MYCT1: variants seen among roughly 807,000 people sequenced by gnomAD.
MYCT1 encodes MYC target 1.
MYCT1 carries 12 observed loss-of-function variants against 15.0 expected under a neutral mutation model. The observed-to-expected ratio is 0.80, with a 90% CI of 0.51 to 1.29. MYCT1 has a LOEUF of 1.29. Among genes scored for constraint, MYCT1 ranks in the 50% most tolerant of loss-of-function variants. The probability of loss-of-function intolerance (pLI) is 0.00; values close to 1 mark genes in which losing one functional copy is unlikely to be tolerated. For missense variants in MYCT1, 287 were observed against 279.1 expected (o/e 1.03, Z -0.20); for synonymous variants, 104 against 102.7 (o/e 1.01, Z -0.07).
chr6:152,742,715 A>G, the MYCT1 span, among the ~76,000 whole-genome samples: 11 of 152,300 alleles, frequency 7.2e-5, no homozygotes, highest in Non-Finnish European at 1.6e-4. Flanking sequence ...TGTCATCCAA[A>G]GAACTTGGAA....
In MYCT1 at chr6:152,722,350, A is replaced by G; in HGVS notation, c.*97A>G. On this transcript the variant is annotated 3_prime_UTR_variant, in exon 2 of 2. Transcript: ENST00000367245. ...ACAGAATTTTGAGGGCATGGCCCAA[A>G]TAACTCATGAGTTCCAAGTTGAAAC... is the stretch of plus-strand genomic sequence containing the variant. The G allele has an allele frequency of 2.4e-6, 3 of 1,245,674 alleles. No individual in the cohort carries two copies. Among genetic ancestry groups the G allele is most frequent in the Non-Finnish European group, 3.3e-6 (3 of 908,102 alleles). 77.2% of individuals were successfully genotyped at this position (1,245,674 alleles called of 1,614,324 possible). A position where few individuals can be genotyped will look rare whatever the true frequency, so the allele number is the denominator to read the frequency against.
the MYCT1 span, among the ~76,000 whole-genome samples, chr6:152,746,037 C>T: frequency 6.6e-6 from 1 of 152,232 alleles, no homozygotes; most frequent in Non-Finnish European, 1.5e-5. Context: ...CTCAGAGGCT[C>T]TTCCCTGGCC....
At chr6:152,701,535 C>T (rs1044310749) in intron 1 of MYCT1, among the ~76,000 whole-genome samples, 7 of 152,114 alleles carry the variant, frequency 4.6e-5, no homozygotes, top group African/African-American at 7.2e-5. Context: ...CATATTCCTC[C>T]CTCTGGGAAT....
chr6:152,702,578 T>A (rs1274551134), intron 1 of MYCT1, among the ~76,000 whole-genome samples: 1 of 152,108 alleles, frequency 6.6e-6, no homozygotes. Context: ...AATACTGTTC[T>A]TTAGCCTGTA....
chr6:152,720,680 C>T (rs1381099007), intron 1 of MYCT1, among the ~76,000 whole-genome samples: 1 of 151,922 alleles, frequency 6.6e-6, no homozygotes, highest in Non-Finnish European at 1.5e-5. Context: ...TGGAAAAGCT[C>T]AGAGTTTTAG....
At chr6:152,705,970 C>T (rs557447914) in intron 1 of MYCT1, 30 of 794,006 alleles carry the variant, frequency 3.8e-5, no homozygotes, top group South Asian at 2.7e-4. Flanking sequence ...ATTGACCCAA[C>T]AAAGATTGTG....
chr6:152,744,837 G>T, the MYCT1 span, among the ~76,000 whole-genome samples: 1 of 152,188 alleles, frequency 6.6e-6, no homozygotes. Flanking sequence ...AGCAGAGGCG[G>T]GAGCTGGGGG....
chr6:152,723,780 A>C lies in MYCT1; in HGVS notation c.*1527A>C, dbSNP rs1583978824. 1 of 152,296 alleles carries C rather than the reference A, an allele frequency of 6.6e-6. No homozygotes were observed. Among genetic ancestry groups the C allele is most frequent in the South Asian group, 2.1e-4 (1 of 4,818 alleles). The allele number at this position is 152,296 out of a possible 1,614,324, so 9.4% of individuals were successfully genotyped here. A position where few individuals can be genotyped will look rare whatever the true frequency, so the allele number is the denominator to read the frequency against. ...GCTGCCCTTCTCATTTAAGGACATG[A>C]GTTCACTGGAGTATTACTCAAAAAG... On this transcript the variant is annotated 3_prime_UTR_variant, in exon 2 of 2. Coordinates refer to ENST00000367245, the MANE Select transcript of MYCT1 (RefSeq NM_025107.3).
intron 1 of MYCT1, among the ~76,000 whole-genome samples, chr6:152,708,389 C>G (rs1038616056): frequency 1.3e-5 from 2 of 151,880 alleles, no homozygotes; most frequent in South Asian, 4.1e-4. Flanking sequence ...ATATAAAAAA[C>G]AAGCTAATAG....
chr6:152,732,418 A>G, the MYCT1 span, among the ~76,000 whole-genome samples: 1 of 151,076 alleles, frequency 6.6e-6, no homozygotes, highest in Non-Finnish European at 1.5e-5. Context: ...CAATTGATTA[A>G]TTAATGTTTG....
chr6:152,702,144 C>T (rs2099721432), intron 1 of MYCT1, among the ~76,000 whole-genome samples: 1 of 152,122 alleles, frequency 6.6e-6, no homozygotes, highest in African/African-American at 2.4e-5. Flanking sequence ...CCTTACAGGT[C>T]GTATTCTATA....
rs1424588914 is a variant in MYCT1, at chr6:152,722,072, T to C, written c.527T>C (p.Leu176Pro). The change falls in exon 2 of 2, where the codon CTT becomes CCT. Residue 176 changes from leucine (L) to proline (P), a missense_variant. By Grantham distance (98) the Leu-to-Pro change is moderately conservative. Transcript: ENST00000367245. ...TFHPFLQCPP[L>P]PVETESQLVT... ...CATCCCTTTCTGCAATGTCCACCAC[T>C]TCCTGTGGAAACTGAGAGTCAGCTG... The C allele has an allele frequency of 6.2e-7, 1 of 1,614,154 alleles. No homozygotes were observed. Among genetic ancestry groups the C allele is most frequent in the Non-Finnish European group, 8.5e-7 (1 of 1,180,014 alleles).
At chr6:152,734,652 C>T in the MYCT1 span, among the ~76,000 whole-genome samples, 3 of 151,820 alleles carry the variant, frequency 2.0e-5, no homozygotes, top group African/African-American at 7.3e-5. Context: ...GTAACATTTC[C>T]CACATGCTTT....
the MYCT1 span, among the ~76,000 whole-genome samples, chr6:152,740,297 A>G: frequency 6.6e-6 from 1 of 152,108 alleles, no homozygotes; most frequent in African/African-American, 2.4e-5. Context: ...GCATTGGCCC[A>G]CCTCAGCCTC....
chr6:152,720,794 G>T (rs1426096451), intron 1 of MYCT1, among the ~76,000 whole-genome samples: 1 of 152,140 alleles, frequency 6.6e-6, no homozygotes, highest in Non-Finnish European at 1.5e-5. Flanking sequence ...GAGGGGAAAT[G>T]TGGGGGACCA....
At chr6:152,699,931 G>T (rs573421374) in intron 1 of MYCT1, among the ~76,000 whole-genome samples, 2 of 152,052 alleles carry the variant, frequency 1.3e-5, no homozygotes, top group East Asian at 1.9e-4. Flanking sequence ...CCTTTCTCTT[G>T]TTATGTGACT....
At position 152,722,443 on chromosome 6, in the gene MYCT1, CA is replaced by C; in HGVS notation, c.*196del. 2 of 564,294 alleles carry C rather than the reference CA, an allele frequency of 3.5e-6. No homozygotes were observed. The highest frequency in any genetic ancestry group is 6.0e-6 in the Non-Finnish European group (2 of 335,672). 35.0% of individuals were successfully genotyped at this position (564,294 alleles called of 1,614,324 possible). A position where few individuals can be genotyped will look rare whatever the true frequency, so the allele number is the denominator to read the frequency against. ...TTCAAACACGTTTTCCCTTTTGTTT[CA>C]AAAAATGTAATATTTTCCCCCAAGC... is the stretch of plus-strand genomic sequence containing the variant. On this transcript the variant is annotated 3_prime_UTR_variant, in exon 2 of 2. Coordinates refer to ENST00000367245, the MANE Select transcript of MYCT1 (RefSeq NM_025107.3).
intron 1 of MYCT1, among the ~76,000 whole-genome samples, chr6:152,718,527 T>A (rs2099724144): frequency 2.0e-5 from 3 of 152,214 alleles, no homozygotes. Flanking sequence ...ATTATAGGCA[T>A]GAGCCACTGC....
chr6:152,704,687 G>A (rs372802599), intron 1 of MYCT1, among the ~76,000 whole-genome samples: 36 of 152,000 alleles, frequency 2.4e-4, no homozygotes, highest in African/African-American at 5.1e-4. Flanking sequence ...TTGGCTTTTC[G>A]TGACTTTTTG....
Sources: gnomAD v4.1 joint callset for allele counts (sites outside exome capture counted in the v4.1 genomes callset) on GRCh38, gnomAD v4.1.1 for gene constraint, MANE v1.5 for transcripts, NCBI Gene and HGNC (gene_info 2026-07-23, HGNC 2026-07-21) for gene names.